SNRPC: variants seen among roughly 807,000 people sequenced by gnomAD.
SNRPC encodes the protein U1 small nuclear ribonucleoprotein C.
In SNRPC, 5 loss-of-function variants were observed where a neutral mutation model predicts 20.0. That is an observed-to-expected ratio of 0.25 (90% CI 0.13 to 0.53). The LOEUF (loss-of-function observed/expected upper bound fraction) is 0.53. SNRPC is among the 20% of genes least tolerant of loss of function. The pLI, the probability that SNRPC is intolerant of heterozygous loss-of-function variation, is 0.96. For synonymous variants in SNRPC, 61 were observed against 58.7 expected (o/e 1.04, Z -0.18); for missense variants, 112 against 224.1 (o/e 0.50, Z 3.19).
intron 2 of SNRPC, 63 bp from the exon 3 acceptor site, chr6:34,762,532 T>G: frequency 1.2e-6 from 1 of 868,632 alleles, no homozygotes; most frequent in Non-Finnish European, 1.9e-6. Flanking sequence ...AAGGTAAAAC[T>G]TTATTAAATT....
chr6:34,766,082 C>A (rs764928730), intron 3 of SNRPC, among the ~76,000 whole-genome samples: 8 of 152,070 alleles, frequency 5.3e-5, no homozygotes, highest in Non-Finnish European at 1.2e-4. Context: ...ATGATGTAAT[C>A]TTGTCTCCTT....
In SNRPC at chr6:34,773,387, C is replaced by G; in HGVS notation, c.356-59C>G. On this transcript the variant is annotated intron_variant, in intron 5 of 5. Transcript: ENST00000244520. This position sits in a 1 kb window ranked among gnomAD's most constrained non-coding sequence, Gnocchi z 4.1. ...TTTTTAATTGAAGTCCCATCAAACTCTCCCTAAATCGTATTTTCTGACTCC... is the reference window on the plus strand; with the variant it reads ...TTTTTAATTGAAGTCCCATCAAACTGTCCCTAAATCGTATTTTCTGACTCC... 1.9e-6 allele frequency: 3 copies of G among 1,542,462 alleles called. No homozygotes were observed. Among genetic ancestry groups the G allele is most frequent in the Non-Finnish European group, 2.7e-6 (3 of 1,127,826 alleles).
intron 2 of SNRPC, among the ~76,000 whole-genome samples, chr6:34,762,094 A>C (rs1247203451): frequency 6.6e-6 from 1 of 152,130 alleles, no homozygotes; most frequent in African/African-American, 2.4e-5. Context: ...ACTTGAGCCT[A>C]GGGGTTTGAG....
intron 2 of SNRPC, among the ~76,000 whole-genome samples, chr6:34,761,463 T>G (rs1449506806): frequency 6.6e-6 from 1 of 151,118 alleles, no homozygotes; most frequent in African/African-American, 2.4e-5. Flanking sequence ...GTTATTAGGC[T>G]TAAGGCATCA....
chr6:34,758,357 C>T (rs550791538), intron 2 of SNRPC, among the ~76,000 whole-genome samples: 1 of 152,080 alleles, frequency 6.6e-6, no homozygotes, highest in South Asian at 2.1e-4. Context: ...CTCTTGTTGC[C>T]CTGGCTGGAG....
intron 2 of SNRPC, among the ~76,000 whole-genome samples, chr6:34,758,553 G>A (rs1048549867): frequency 6.6e-6 from 1 of 152,042 alleles, no homozygotes; most frequent in African/African-American, 2.4e-5. Context: ...GACCTCAGGC[G>A]ATCTGTCCTC....
In SNRPC at chr6:34,758,704, G is replaced by A. The variant is rs544797605; in HGVS notation, c.51+750G>A. Among the ~76,000 whole-genome samples the A allele has an allele frequency of 4.6e-5, 7 of 152,166 alleles. No homozygotes were observed. In the East Asian group the frequency reaches 9.6e-4, roughly 21 times the overall value. ...ATGCATGATTTTGTAATGTGCATTG[G>A]TTATTTGGAAAATGTTGATTGACTT... On this transcript the variant is annotated intron_variant, in intron 2 of 5. Transcript: ENST00000244520.
intron 4 of SNRPC, 138 bp downstream of exon 4, chr6:34,768,135 G>T: frequency 1.7e-6 from 1 of 599,662 alleles, no homozygotes. Flanking sequence ...ATATATAAAT[G>T]TTGAATATAG....
Position 34,767,974 on chromosome 6 carries a change from T to A in SNRPC, c.227T>A (p.Met76Lys). The A allele has an allele frequency of 6.2e-7, 1 of 1,612,304 alleles. No individual in the cohort carries two copies. The highest frequency in any genetic ancestry group is 1.1e-5 in the South Asian group (1 of 90,884). ...PFSAPPPAGAMIPPPPSLPGP... is the reference protein window; with the variant it reads ...PFSAPPPAGAKIPPPPSLPGP... Reference sequence around the variant, plus strand: ...TCTGCTCCTCCTCCTGCAGGGGCGATGATACCACCTCCCCCCAGCCTTCGT... The same window carrying A: ...TCTGCTCCTCCTCCTGCAGGGGCGAAGATACCACCTCCCCCCAGCCTTCGT... The change falls in exon 4 of 6, where the codon ATG (methionine) becomes AAG (lysine). Residue 76 changes from methionine (M) to lysine (K), a missense_variant. By Grantham distance (95) the Met-to-Lys change is moderately conservative. Coordinates refer to ENST00000244520, the MANE Select transcript of SNRPC (RefSeq NM_003093.3).
At chr6:34,769,806 A>G (rs114166925) in intron 4 of SNRPC, among the ~76,000 whole-genome samples, 2,596 of 152,038 alleles carry the variant, frequency 0.017, 22 homozygotes, top group African/African-American at 0.033. Flanking sequence ...CTTGCTTTTT[A>G]TTCATAGATT....
chr6:34,764,717 T>G (rs1764591971), intron 3 of SNRPC, among the ~76,000 whole-genome samples: 1 of 151,494 alleles, frequency 6.6e-6, no homozygotes. Context: ...TGTGGAAATT[T>G]TCAAATAAAA....
chr6:34,771,062 C>T (rs568437521), intron 5 of SNRPC, among the ~76,000 whole-genome samples: 31 of 152,284 alleles, frequency 2.0e-4, no homozygotes, highest in Non-Finnish European at 4.3e-4. Context: ...GGCGCGGTGG[C>T]TCATGCCTGT....
intron 2 of SNRPC, among the ~76,000 whole-genome samples, chr6:34,760,624 T>C (rs1398244923): frequency 1.3e-5 from 2 of 152,188 alleles, no homozygotes; most frequent in East Asian, 3.8e-4. Context: ...AACTGAGAAG[T>C]ATTTCTTTAT....
intron 5 of SNRPC, among the ~76,000 whole-genome samples, chr6:34,770,723 G>A (rs181239278): frequency 1.4e-4 from 21 of 152,226 alleles, no homozygotes; most frequent in East Asian, 9.6e-4. Context: ...CTGTTTCCTT[G>A]CCTCATCCTG....
chr6:34,759,989 T>G (rs887759985), intron 2 of SNRPC, among the ~76,000 whole-genome samples: 8 of 152,314 alleles, frequency 5.3e-5, no homozygotes, highest in African/African-American at 1.9e-4. Flanking sequence ...GATTTTTCTA[T>G]TGTCACCTTA....
At chr6:34,765,028 A>T (rs1764596166) in intron 3 of SNRPC, among the ~76,000 whole-genome samples, 1 of 152,136 alleles carries the variant, frequency 6.6e-6, no homozygotes, top group South Asian at 2.1e-4. Flanking sequence ...CTGAAAAAAA[A>T]AACTAGACAA....
At chr6:34,758,082 A>G in intron 2 of SNRPC, 128 bp downstream of exon 2, 1 of 983,368 alleles carries the variant, frequency 1.0e-6, no homozygotes, top group East Asian at 2.4e-5. Flanking sequence ...TCCTTGAAGA[A>G]AATAATTGGA....
chr6:34,765,318 G>A (rs112916409), intron 3 of SNRPC, among the ~76,000 whole-genome samples: 3 of 152,260 alleles, frequency 2.0e-5, no homozygotes, highest in South Asian at 2.1e-4. Context: ...GTTTCTGGCC[G>A]AGACAGCCAC....
At chr6:34,764,308 C>T (rs1303267375) in intron 3 of SNRPC, among the ~76,000 whole-genome samples, 1 of 151,732 alleles carries the variant, frequency 6.6e-6, no homozygotes, top group African/African-American at 2.4e-5. Flanking sequence ...GAAACCCCGT[C>T]TCTACTAAAA....
Sources: allele counts gnomAD v4.1 joint callset (sites outside exome capture counted in the v4.1 genomes callset), GRCh38; gene constraint gnomAD v4.1.1; non-coding constraint Gnocchi (gnomAD v3.1); transcripts MANE v1.5; gene names NCBI Gene and HGNC (gene_info 2026-07-23, HGNC 2026-07-21).